Variants in CLEC7A observed in about 807,000 individuals in gnomAD.
CLEC7A encodes the protein C-type lectin domain family 7 member A.
In CLEC7A, 25 loss-of-function variants were observed where a neutral mutation model predicts 26.9. That is an observed-to-expected ratio of 0.93 (90% CI 0.68 to 1.30). The LOEUF (loss-of-function observed/expected upper bound fraction) is 1.30. Ranked by LOEUF, CLEC7A falls within the 50% of genes most tolerant of loss-of-function variation. The pLI is 0.00. For synonymous variants in CLEC7A, 100 were observed against 99.5 expected, an observed-to-expected ratio of 1.01 and a Z score of -0.03; for missense variants, 275 against 286.7, an observed-to-expected ratio of 0.96 and a Z score of 0.29.
chr12:10,130,173 T>C lies in CLEC7A; in HGVS notation c.-91A>G. On this transcript the variant is annotated 5_prime_UTR_variant, in exon 1 of 6. Coordinates refer to ENST00000304084, the MANE Select transcript of CLEC7A (RefSeq NM_197947.3). ...CTGTCTGTGGACAAAAGAGAATCTC[T>C]GAGTCAAATCATGTGGGCTAGGTAC... is the stretch of plus-strand genomic sequence containing the variant. 3.1e-6 allele frequency: 2 copies of C among 654,500 alleles called. No homozygotes were observed. Among genetic ancestry groups the C allele is most frequent in the South Asian group, 3.5e-5 (2 of 56,886 alleles). The allele number at this position is 654,500 out of a possible 1,614,324, so 40.5% of individuals were successfully genotyped here.
In CLEC7A at chr12:10,118,114, A is replaced by G. The variant is rs939352895; in HGVS notation, c.*344T>C. 6.6e-5 allele frequency: 14 copies of G among 212,370 alleles called. No individual in the cohort carries two copies. The highest frequency in any genetic ancestry group is 1.9e-4 in the Admixed American group (3 of 16,032). 13.2% of individuals were successfully genotyped at this position (212,370 alleles called of 1,614,324 possible). ...GCTACTTGAGGGGCTGAGGCGAGAG[A>G]TAGCTGCAGTGAGTCGAGATTGTGC... On this transcript the variant is annotated 3_prime_UTR_variant, in exon 6 of 6. Coordinates refer to ENST00000304084, the MANE Select transcript of CLEC7A (RefSeq NM_197947.3).
intron 5 of CLEC7A, among the ~76,000 whole-genome samples, chr12:10,122,198 CTAA>C (rs796878678): frequency 3.6e-4 from 55 of 151,972 alleles, no homozygotes; most frequent in Admixed American, 3.2e-3. Flanking sequence ...CACACACACA[CTAA>C]TAATAAGAAC....
Position 10,118,333 on chromosome 12 carries a change from A to G in CLEC7A, c.*125T>C. 1.2e-6 allele frequency: 1 copy of G among 859,018 alleles called. No homozygotes were observed. Among genetic ancestry groups the G allele is most frequent in the East Asian group, 2.6e-5 (1 of 37,886 alleles). The allele number at this position is 859,018 out of a possible 1,614,324, so 53.2% of individuals were successfully genotyped here. On this transcript the variant is annotated 3_prime_UTR_variant, in exon 6 of 6. Transcript: ENST00000304084. Reference sequence around the variant, plus strand: ...TCCCTTCAATTTCTTGGTTAAGATTACAGTTGGCCAAGCTCTCTAAACATT... The same window carrying G: ...TCCCTTCAATTTCTTGGTTAAGATTGCAGTTGGCCAAGCTCTCTAAACATT...
intron 5 of CLEC7A, among the ~76,000 whole-genome samples, chr12:10,120,032 C>T (rs1344302551): frequency 6.6e-6 from 1 of 151,986 alleles, no homozygotes; most frequent in Non-Finnish European, 1.5e-5. Flanking sequence ...CTGAAAATGT[C>T]ACCAAACAAA....
chr12:10,123,165 C>A, intron 5 of CLEC7A, 80 bp downstream of exon 5: 1 of 857,572 alleles, frequency 1.2e-6, no homozygotes, highest in Non-Finnish European at 1.9e-6. Context: ...AGGTTCTTAG[C>A]TGCTCGACAG....
intron 1 of CLEC7A, among the ~76,000 whole-genome samples, chr12:10,128,181 T>C (rs1287527295): frequency 6.7e-6 from 1 of 149,104 alleles, no homozygotes; most frequent in African/African-American, 2.5e-5. Flanking sequence ...CAGAGCAGCA[T>C]AGGCAAAAAA....
intron 5 of CLEC7A, among the ~76,000 whole-genome samples, chr12:10,119,785 T>C (rs1196961388): frequency 6.6e-6 from 1 of 150,860 alleles, no homozygotes; most frequent in Non-Finnish European, 1.5e-5. Context: ...TTAACAACAC[T>C]ATAAAAAGCA....
intron 2 of CLEC7A, 28 bp downstream of exon 2, chr12:10,127,719 T>C (rs1487339113): frequency 3.5e-6 from 5 of 1,434,608 alleles, no homozygotes; most frequent in Middle Eastern, 1.7e-4. Flanking sequence ...AAATTGTCTG[T>C]TGTTAATCTC....
rs11053622 is a variant in CLEC7A, at chr12:10,128,334, T to C, written c.104-489A>G. 1.4e-4 allele frequency among the ~76,000 whole-genome samples: 22 copies of C among 152,172 alleles called. No individual in the cohort carries two copies. The East Asian group carries it at 3.9e-3, about 27-fold the overall frequency. Reference sequence around the variant, plus strand: ...GGTTACCTGGTCACCTAGGATTTGCTGTGCTTCTCCACCAGTAAGGATACC... The same window carrying C: ...GGTTACCTGGTCACCTAGGATTTGCCGTGCTTCTCCACCAGTAAGGATACC... On this transcript the variant is annotated intron_variant, in intron 1 of 5. Transcript: ENST00000304084.
At chr12:10,121,943 G>A (rs1220678925) in intron 5 of CLEC7A, among the ~76,000 whole-genome samples, 2 of 152,114 alleles carry the variant, frequency 1.3e-5, no homozygotes, top group Non-Finnish European at 1.5e-5. Context: ...GGGAGGCGGA[G>A]CTGGCAGTGA....
chr12:10,126,934 A>T (rs1013322554), intron 2 of CLEC7A: 3 of 909,782 alleles, frequency 3.3e-6, no homozygotes, highest in Admixed American at 3.6e-5. Flanking sequence ...AAAAGAAAAG[A>T]AAAAAGAAGG....
rs1292514868 is a variant in CLEC7A at position 10,118,132 on chromosome 12, G to A, written c.*326C>T. ...GCGAGAGATAGCTGCAGTGAGTCGA[G>A]ATTGTGCCACTGCACTCCAGCCTGG... On this transcript the variant is annotated 3_prime_UTR_variant, in exon 6 of 6. Coordinates refer to ENST00000304084, the MANE Select transcript of CLEC7A (RefSeq NM_197947.3). 1 of 238,882 alleles carries A rather than the reference G, an allele frequency of 4.2e-6. No individual in the cohort carries two copies. The highest frequency in any genetic ancestry group is 1.4e-4 in the East Asian group (1 of 7,200). 14.8% of individuals were successfully genotyped at this position (238,882 alleles called of 1,614,324 possible). A position where few individuals can be genotyped will look rare whatever the true frequency, so the allele number is the denominator to read the frequency against.
At chr12:10,125,726 G>A (rs1948260199) in intron 3 of CLEC7A, among the ~76,000 whole-genome samples, 2 of 151,894 alleles carry the variant, frequency 1.3e-5, no homozygotes, top group African/African-American at 4.8e-5. Flanking sequence ...TTCTAATTCA[G>A]CTCAAAACTA....
chr12:10,121,094 GGAGA>G (rs1948070073), intron 5 of CLEC7A, among the ~76,000 whole-genome samples: 3 of 151,226 alleles, frequency 2.0e-5, no homozygotes, highest in Admixed American at 1.3e-4. Flanking sequence ...TATAAATTGA[GGAGA>G]GAGTCAACAG....
intron 4 of CLEC7A, chr12:10,125,038 A>G: frequency 2.2e-6 from 1 of 449,440 alleles, no homozygotes; most frequent in South Asian, 2.3e-5. Flanking sequence ...CTCTATGAAA[A>G]ATACAAAAAA....
intron 5 of CLEC7A, among the ~76,000 whole-genome samples, chr12:10,122,579 A>T (rs192233826): frequency 6.7e-6 from 1 of 148,322 alleles, no homozygotes; most frequent in Admixed American, 6.8e-5. Context: ...GCTCACTGCA[A>T]CCTCTGTCTC....
rs945994372 is a variant in CLEC7A, at chr12:10,120,803, G to A, written c.612-2213C>T. ...TGAGTCTGGCTCAGTCACCCAGGCTGGAGTGCAGTGGTGCGATCTCGGCTC... is the reference window on the plus strand; with the variant it reads ...TGAGTCTGGCTCAGTCACCCAGGCTAGAGTGCAGTGGTGCGATCTCGGCTC... On this transcript the variant is annotated intron_variant, in intron 5 of 5. Coordinates refer to ENST00000304084, the MANE Select transcript of CLEC7A (RefSeq NM_197947.3). Among the ~76,000 whole-genome samples the A allele has an allele frequency of 1.7e-4, 25 of 149,036 alleles. 1 individual carries two copies. Among genetic ancestry groups the A allele is most frequent in the Admixed American group, 4.7e-4 (7 of 15,046 alleles).
At chr12:10,127,140 T>C in intron 2 of CLEC7A, 1 of 1,131,908 alleles carries the variant, frequency 8.8e-7, no homozygotes, top group Non-Finnish European at 1.2e-6. Context: ...AGGAATGTCA[T>C]GAAGACTCTC....
intron 5 of CLEC7A, among the ~76,000 whole-genome samples, chr12:10,121,756 T>C (rs1948092940): frequency 6.6e-6 from 1 of 151,970 alleles, no homozygotes; most frequent in Admixed American, 6.6e-5. Context: ...ATACGAGAAG[T>C]TTGAGATGGA....
Sources: allele counts gnomAD v4.1 joint callset (sites outside exome capture counted in the v4.1 genomes callset), GRCh38; gene constraint gnomAD v4.1.1; transcripts MANE v1.5; gene names NCBI Gene and HGNC (gene_info 2026-07-23, HGNC 2026-07-21).